Variants in ZFHX3 observed in about 807,000 individuals in gnomAD.
The protein encoded by ZFHX3 is zinc finger homeobox 3, also known as zinc finger homeobox protein 3.
A neutral mutation model predicts 279.1 loss-of-function variants in ZFHX3; 42 were observed. That is an observed-to-expected ratio of 0.15 (90% confidence interval 0.12 to 0.19). ZFHX3 has a LOEUF of 0.19. Among genes scored for constraint, ZFHX3 ranks in the 10% least tolerant of loss-of-function variants. ZFHX3 has a pLI of 1.00. For synonymous variants in ZFHX3, 2,293 were observed against 1,957.8 expected, an observed-to-expected ratio of 1.17 and a Z score of -4.52; for missense variants, 4,981 against 4,754.0, an observed-to-expected ratio of 1.05 and a Z score of -1.40.
At position 72,788,726 on chromosome 16, in the gene ZFHX3, C is replaced by T. The variant is rs1009332330; in HGVS notation, c.9550G>A (p.Ala3184Thr). ...SSASLSSPTP[A>T]QATMAMGPQQ... Reference sequence around the variant, plus strand: ...GGGCCCATCGCCATCGTGGCTTGTGCTGGGGTTGGGGAGCTCAGCGACGCT... The same window carrying T: ...GGGCCCATCGCCATCGTGGCTTGTGTTGGGGTTGGGGAGCTCAGCGACGCT... Residue 3184 changes from alanine to threonine, a missense_variant, in exon 10 of 10, where the codon GCA becomes ACA. Transcript: ENST00000268489. 1.9e-6 allele frequency: 3 copies of T among 1,606,264 alleles called. No homozygotes were observed. The highest frequency in any genetic ancestry group is 3.4e-5 in the Admixed American group (2 of 59,296).
intron 2 of ZFHX3, among the ~76,000 whole-genome samples, chr16:73,660,003 A>C (rs1486369697): frequency 6.6e-6 from 1 of 152,242 alleles, no homozygotes; most frequent in East Asian, 1.9e-4. Flanking sequence ...CCATACATAC[A>C]TCAGACATAA....
intron 1 of ZFHX3, chr16:72,973,823 G>C (rs891758703): frequency 6.6e-6 from 1 of 152,130 alleles, no homozygotes; most frequent in Non-Finnish European, 1.5e-5. Flanking sequence ...AGTAAGCAGA[G>C]ATCGAAATCA....
chr16:73,880,913 T>C (rs17391167), intron 1 of ZFHX3, among the ~76,000 whole-genome samples: 13,709 of 152,256 alleles, frequency 0.09, 806 homozygotes, highest in Middle Eastern at 0.18. Flanking sequence ...TTTGATGATA[T>C]AGGCGAGAAG....
upstream of ZFHX3, chr16:73,060,336 A>G (rs1567654898): frequency 6.6e-6 from 1 of 152,090 alleles, no homozygotes; most frequent in African/African-American, 2.4e-5. Context: ...TAGGAGCGGT[A>G]CATCCCACTA....
intron 3 of ZFHX3, among the ~76,000 whole-genome samples, chr16:72,928,284 G>A (rs1959598754): frequency 8.4e-6 from 1 of 118,786 alleles, no homozygotes; most frequent in African/African-American, 3.1e-5. Flanking sequence ...GGAGGTAGGA[G>A]AACAGGTCTT....
chr16:73,155,612 C>T (rs1967058278), intron 5 of ZFHX3, among the ~76,000 whole-genome samples: 1 of 152,102 alleles, frequency 6.6e-6, no homozygotes, highest in South Asian at 2.1e-4. Flanking sequence ...CACCTGAGGT[C>T]AGGAGTTCCA....
At chr16:73,652,049 A>G (rs1388541174) in intron 2 of ZFHX3, among the ~76,000 whole-genome samples, 1 of 152,124 alleles carries the variant, frequency 6.6e-6, no homozygotes, top group African/African-American at 2.4e-5. Flanking sequence ...GACCCTCACC[A>G]AAAATCTGGT....
rs546590510 is a variant in ZFHX3, at chr16:73,004,866, T to A, written c.-50+42886A>T. Among the ~76,000 whole-genome samples, 262 of 152,336 alleles carry A rather than the reference T, an allele frequency of 1.7e-3. 1 individual carries two copies. The highest frequency in any genetic ancestry group is 3.4e-3 in the Middle Eastern group (1 of 294). ...TTAACCTATATTTTCTTCTAGCTCT[T>A]TTGTGATTTTAGTTTTACTTTTACC... On this transcript the variant is annotated intron_variant, in intron 1 of 9. Coordinates refer to ENST00000268489, the MANE Select transcript of ZFHX3 (RefSeq NM_006885.4).
chr16:73,127,362 C>T, intron 7 of ZFHX3: 1 of 1,305,374 alleles, frequency 7.7e-7, no homozygotes, highest in African/African-American at 1.5e-5. Context: ...AAGTCAATTC[C>T]ACTTAACTGA....
chr16:73,819,870 C>T (rs562925290), intron 1 of ZFHX3, among the ~76,000 whole-genome samples: 1 of 152,280 alleles, frequency 6.6e-6, no homozygotes, highest in Non-Finnish European at 1.5e-5. Context: ...AAAGCCACTG[C>T]CCCTCTGGCC....
At chr16:72,989,260 G>C (rs1962975656) in intron 1 of ZFHX3, among the ~76,000 whole-genome samples, 1 of 152,058 alleles carries the variant, frequency 6.6e-6, no homozygotes, top group South Asian at 2.1e-4. Flanking sequence ...CGAAGCGGGT[G>C]GATCACCTGA....
chr16:73,177,225 A>C (rs1311144256), intron 5 of ZFHX3, among the ~76,000 whole-genome samples: 1 of 152,226 alleles, frequency 6.6e-6, no homozygotes, highest in Non-Finnish European at 1.5e-5. Flanking sequence ...AAATTGAGTG[A>C]GATAATGGTT....
intron 2 of ZFHX3, among the ~76,000 whole-genome samples, chr16:73,483,087 A>C (rs557187291): frequency 6.6e-6 from 1 of 152,342 alleles, no homozygotes; most frequent in South Asian, 2.1e-4. Context: ...TCAATGAACA[A>C]ACTTGAAAGT....
At chr16:73,319,403 G>C (rs2015526161) in intron 3 of ZFHX3, among the ~76,000 whole-genome samples, 1 of 152,068 alleles carries the variant, frequency 6.6e-6, no homozygotes, top group South Asian at 2.1e-4. Context: ...GGATAGGGAA[G>C]GAGAATCCAC....
intron 3 of ZFHX3, among the ~76,000 whole-genome samples, chr16:72,947,146 G>T (rs1470691985): frequency 6.6e-6 from 1 of 152,376 alleles, no homozygotes; most frequent in Admixed American, 6.5e-5. Flanking sequence ...GCACTTTGCA[G>T]AAGTAACCTG....
intron 5 of ZFHX3, among the ~76,000 whole-genome samples, chr16:73,197,186 T>G (rs1968168785): frequency 6.6e-6 from 1 of 152,242 alleles, no homozygotes; most frequent in African/African-American, 2.4e-5. Context: ...TGTTGTTTTC[T>G]TATAATGTGT....
intron 1 of ZFHX3, among the ~76,000 whole-genome samples, chr16:73,043,795 G>T (rs1339719385): frequency 2.0e-5 from 3 of 152,196 alleles, no homozygotes; most frequent in Non-Finnish European, 4.4e-5. Context: ...GCCCAAAGAA[G>T]CCCTCCAACA....
intron 1 of ZFHX3, among the ~76,000 whole-genome samples, chr16:73,696,052 G>T (rs1024275867): frequency 1.3e-5 from 2 of 152,124 alleles, no homozygotes; most frequent in African/African-American, 4.8e-5. Context: ...AACCCACTGG[G>T]GACTCTGAGA....
intron 1 of ZFHX3, among the ~76,000 whole-genome samples, chr16:73,695,077 AC>A (rs1360925803): frequency 2.0e-5 from 3 of 152,222 alleles, no homozygotes; most frequent in Non-Finnish European, 4.4e-5. Flanking sequence ...ACAAGGGATT[AC>A]AAAAGAGCTG....
Sources: allele counts gnomAD v4.1 joint callset (sites outside exome capture counted in the v4.1 genomes callset), GRCh38; gene constraint gnomAD v4.1.1; transcripts MANE v1.5; gene names NCBI Gene and HGNC (gene_info 2026-07-23, HGNC 2026-07-21).